R3HDM1: variants seen among roughly 807,000 people sequenced by gnomAD.
R3HDM1 encodes the protein R3H domain containing 1.
Under a neutral mutation model 141.1 loss-of-function variants are expected in R3HDM1, and 46 were observed. The observed-to-expected ratio is 0.33, with a 90% CI of 0.26 to 0.42. R3HDM1 has a LOEUF of 0.42. Ranked by LOEUF, R3HDM1 falls within the 10% of genes least tolerant of loss-of-function variation. The pLI, the probability that R3HDM1 is intolerant of heterozygous loss-of-function variation, is 1.00. For missense variants in R3HDM1, 1,184 were observed against 1,368.3 expected (o/e 0.87, Z 2.12); for synonymous variants, 435 against 472.9 (o/e 0.92, Z 1.04).
At chr2:135,539,326 C>T (rs1381253315) in intron 1 of R3HDM1, among the ~76,000 whole-genome samples, 1 of 152,128 alleles carries the variant, frequency 6.6e-6, no homozygotes, top group Non-Finnish European at 1.5e-5. Flanking sequence ...TAGTCATATG[C>T]ATATAGCAGT....
chr2:135,723,586 A>G (rs1468539859), intron 26 of R3HDM1, among the ~76,000 whole-genome samples: 3 of 151,180 alleles, frequency 2.0e-5, no homozygotes, highest in Admixed American at 1.3e-4. Flanking sequence ...AGCCTGGCCA[A>G]TATGGTGAAA....
chr2:135,613,955 A>T (rs1175212555), intron 3 of R3HDM1, among the ~76,000 whole-genome samples: 1 of 152,210 alleles, frequency 6.6e-6, no homozygotes, highest in Admixed American at 6.5e-5. Context: ...AAAGTTTTTT[A>T]AAATATATTA....
At chr2:135,634,639 G>A (rs946333356) in intron 9 of R3HDM1, among the ~76,000 whole-genome samples, 3 of 152,090 alleles carry the variant, frequency 2.0e-5, no homozygotes, top group Non-Finnish European at 4.4e-5. Flanking sequence ...GTGAGACTCT[G>A]TCTCTAAAAA....
intron 1 of R3HDM1, among the ~76,000 whole-genome samples, chr2:135,564,855 GTA>G (rs1486824725): frequency 1.3e-5 from 2 of 152,082 alleles, no homozygotes; most frequent in African/African-American, 4.8e-5. Context: ...ACTTTTAAAA[GTA>G]TATTTTCTAC....
intron 5 of R3HDM1, 97 bp from the exon 6 acceptor site, chr2:135,621,397 C>T: frequency 1.4e-5 from 9 of 650,362 alleles, no homozygotes; most frequent in Admixed American, 7.8e-5. Context: ...AATCTTTTTC[C>T]TCTGTACAAT....
At position 135,656,469 on chromosome 2, in the gene R3HDM1, T is replaced by C. The variant is rs1254113313; in HGVS notation, c.2028+4437T>C. ...CCTGCATTTTATATTATTTGAACTT[T>C]TTTTTTTTATAATATTGAATGCTTT... is the stretch of plus-strand genomic sequence containing the variant. On this transcript the variant is annotated intron_variant, in intron 18 of 26. Transcript: ENST00000683871. 2.0e-5 allele frequency: 3 copies of C among 152,074 alleles called. 1 individual carries two copies. The highest frequency in any genetic ancestry group is 6.3e-3 in the Middle Eastern group (2 of 316). 9.4% of individuals were successfully genotyped at this position (152,074 alleles called of 1,614,324 possible).
At chr2:135,651,678 G>A in intron 17 of R3HDM1, 52 bp from the exon 18 acceptor site, 1 of 1,519,444 alleles carries the variant, frequency 6.6e-7, no homozygotes, top group Non-Finnish European at 8.8e-7. Context: ...TCTTTGATAA[G>A]TTTGGCCTAT....
intron 18 of R3HDM1, among the ~76,000 whole-genome samples, chr2:135,659,952 G>A (rs947024532): frequency 6.6e-6 from 1 of 152,034 alleles, no homozygotes; most frequent in Non-Finnish European, 1.5e-5. Flanking sequence ...AATCTTAGGG[G>A]GCCACCATCA....
intron 13 of R3HDM1, 25 bp downstream of exon 13, chr2:135,638,814 A>G (rs2063509810): frequency 1.2e-6 from 2 of 1,612,602 alleles, no homozygotes; most frequent in Non-Finnish European, 1.7e-6. Flanking sequence ...TTTTCAATAC[A>G]GTATTGAAAA....
intron 15 of R3HDM1, among the ~76,000 whole-genome samples, chr2:135,642,477 G>A (rs2063907978): frequency 6.6e-6 from 1 of 152,134 alleles, no homozygotes; most frequent in Non-Finnish European, 1.5e-5. Flanking sequence ...TCAGAGAGGT[G>A]AAGAAACTGC....
intron 6 of R3HDM1, chr2:135,621,931 C>A (rs1237789774): frequency 2.0e-6 from 2 of 981,408 alleles, no homozygotes; most frequent in African/African-American, 3.5e-5. Flanking sequence ...TCTTGAATTC[C>A]TTATGGTACA....
Position 135,701,412 on chromosome 2 carries a change from T to C in R3HDM1, c.2460-8021T>C, listed in dbSNP as rs187369579. Among the ~76,000 whole-genome samples the C allele has an allele frequency of 2.6e-5, 4 of 152,006 alleles. No individual in the cohort carries two copies. The East Asian group carries it at 7.7e-4, about 29-fold the overall frequency. ...AGACCCTATCTCCAAAAAATAATAA[T>C]AAAGTAAATATATACACATGCATAC... On this transcript the variant is annotated intron_variant, in intron 21 of 26. Transcript: ENST00000683871.
chr2:135,590,253 G>A (rs1708943209), intron 1 of R3HDM1, among the ~76,000 whole-genome samples: 3 of 152,088 alleles, frequency 2.0e-5, no homozygotes, highest in African/African-American at 7.2e-5. Context: ...ACAGTTTTTG[G>A]AAGTAGTTTG....
At chr2:135,595,373 C>G (rs1710406256) in intron 1 of R3HDM1, among the ~76,000 whole-genome samples, 1 of 152,184 alleles carries the variant, frequency 6.6e-6, no homozygotes, top group Admixed American at 6.5e-5. Context: ...TTATATTAAT[C>G]TATTCATTTC....
intron 18 of R3HDM1, among the ~76,000 whole-genome samples, chr2:135,659,069 G>GTGTGTGTGTGTGTA (rs2066308117): frequency 2.7e-5 from 4 of 148,550 alleles, no homozygotes; most frequent in South Asian, 2.2e-4. Flanking sequence ...GTGTGTGTGT[G>GTGTGTGTGTGTGTA]TGTGTGTGTG....
intron 20 of R3HDM1, 32 bp downstream of exon 20, chr2:135,675,518 A>C (rs538392303): frequency 6.4e-7 from 1 of 1,569,114 alleles, no homozygotes; most frequent in African/African-American, 1.4e-5. Context: ...CTTTGGGTAG[A>C]GATGATTTCG....
chr2:135,673,670 C>T (rs1482824226), intron 19 of R3HDM1, among the ~76,000 whole-genome samples: 2 of 152,150 alleles, frequency 1.3e-5, no homozygotes, highest in Non-Finnish European at 2.9e-5. Flanking sequence ...CTAGAATACA[C>T]AGTATTCTGT....
chr2:135,649,155 T>C (rs1011931358), intron 16 of R3HDM1: 23 of 151,442 alleles, frequency 1.5e-4, no homozygotes, highest in Admixed American at 1.4e-3. Context: ...AAGCTCCGCC[T>C]CTTGGATTCA....
intron 1 of R3HDM1, chr2:135,536,413 C>T (rs932738542): frequency 2.3e-6 from 1 of 438,928 alleles, no homozygotes; most frequent in African/African-American, 2.1e-5. Flanking sequence ...TGCCAAAGTG[C>T]TGGAATTACA....
Sources: gnomAD v4.1 joint callset for allele counts (sites outside exome capture counted in the v4.1 genomes callset) on GRCh38, gnomAD v4.1.1 for gene constraint, MANE v1.5 for transcripts, NCBI Gene and HGNC (gene_info 2026-07-23, HGNC 2026-07-21) for gene names.